Variants in CSMD1 observed in about 807,000 individuals in gnomAD.
CSMD1 encodes CUB and Sushi multiple domains 1, also known as CUB and sushi domain-containing protein 1.
In CSMD1, 213 loss-of-function variants were observed where a neutral mutation model predicts 417.5. The observed-to-expected ratio is 0.51, with a 90% CI of 0.46 to 0.57. The LOEUF (loss-of-function observed/expected upper bound fraction) is 0.57, where lower values mean the gene tolerates loss of function less well. Among genes scored for constraint, CSMD1 ranks in the 20% least tolerant of loss-of-function variants. The probability of loss-of-function intolerance (pLI) is 0.00; values close to 1 mark genes in which losing one functional copy is unlikely to be tolerated. For missense variants in CSMD1, 6,923 were observed against 4,529.7 expected (o/e 1.53, Z -15.17); for synonymous variants, 2,862 against 1,736.8 (o/e 1.65, Z -16.11).
chr8:4,089,172 T>A (rs1273729171), intron 3 of CSMD1, among the ~76,000 whole-genome samples: 1 of 152,192 alleles, frequency 6.6e-6, no homozygotes, highest in South Asian at 2.1e-4. Flanking sequence ...CCCCACTCTT[T>A]ATGGTGACAA....
intron 5 of CSMD1, among the ~76,000 whole-genome samples, chr8:3,755,528 G>C (rs1249674946): frequency 6.6e-6 from 1 of 152,142 alleles, no homozygotes; most frequent in Admixed American, 6.5e-5. Flanking sequence ...TGCTGCGTGT[G>C]GGCCTGCCTG....
intron 6 of CSMD1, among the ~76,000 whole-genome samples, chr8:3,733,337 C>T (rs1326852983): frequency 1.4e-5 from 2 of 146,122 alleles, no homozygotes; most frequent in Non-Finnish European, 3.0e-5. Flanking sequence ...TATATATACA[C>T]AGACATATAT....
intron 1 of CSMD1, among the ~76,000 whole-genome samples, chr8:4,682,739 C>T (rs1439633375): frequency 6.6e-6 from 1 of 151,404 alleles, no homozygotes; most frequent in Non-Finnish European, 1.5e-5. Context: ...TATTACGTTG[C>T]TGTCTTAGCT....
intron 12 of CSMD1, among the ~76,000 whole-genome samples, chr8:3,456,277 G>A (rs1184494378): frequency 6.8e-6 from 1 of 146,364 alleles, no homozygotes; most frequent in Non-Finnish European, 1.5e-5. Flanking sequence ...GCGATGCCTT[G>A]CCCTGCTTCA....
At chr8:4,530,721 A>G (rs947624203) in intron 2 of CSMD1, among the ~76,000 whole-genome samples, 5 of 148,656 alleles carry the variant, frequency 3.4e-5, no homozygotes, top group African/African-American at 1.2e-4. Flanking sequence ...TATATGTGCC[A>G]CATTTTCTTT....
chr8:4,565,673 T>C (rs1000553173), intron 2 of CSMD1, among the ~76,000 whole-genome samples: 3 of 150,240 alleles, frequency 2.0e-5, no homozygotes, highest in Non-Finnish European at 1.5e-5. Context: ...AGGCAGAGGT[T>C]GCAGTGAGCT....
chr8:4,469,331 G>A (rs1451274113), intron 2 of CSMD1, among the ~76,000 whole-genome samples: 1 of 152,156 alleles, frequency 6.6e-6, no homozygotes, highest in African/African-American at 2.4e-5. Context: ...TCGGCTTTCT[G>A]AAAAGTCTTG....
chr8:3,354,976 T>C (rs981054373), intron 21 of CSMD1, among the ~76,000 whole-genome samples: 1 of 140,680 alleles, frequency 7.1e-6, no homozygotes, highest in Non-Finnish European at 1.5e-5. Flanking sequence ...AGTGTTAAAC[T>C]AGATATAAAT....
intron 41 of CSMD1, among the ~76,000 whole-genome samples, chr8:3,119,829 G>A (rs1409061168): frequency 2.6e-5 from 4 of 152,164 alleles, no homozygotes; most frequent in Admixed American, 6.6e-5. Flanking sequence ...GCCCTGCCAT[G>A]TAATTCTGCT....
intron 26 of CSMD1, among the ~76,000 whole-genome samples, chr8:3,267,928 G>C (rs1051347741): frequency 6.6e-6 from 1 of 152,138 alleles, no homozygotes; most frequent in Admixed American, 6.5e-5. Flanking sequence ...GCAGAGGGCA[G>C]AGCCTCAGAA....
intron 3 of CSMD1, among the ~76,000 whole-genome samples, chr8:4,038,578 C>G (rs1797733667): frequency 6.6e-6 from 1 of 152,194 alleles, no homozygotes; most frequent in Non-Finnish European, 1.5e-5. Flanking sequence ...CTCTTTGTGA[C>G]TCCCAGAAGT....
intron 12 of CSMD1, among the ~76,000 whole-genome samples, chr8:3,428,873 C>T (rs1814025400): frequency 6.6e-6 from 1 of 152,252 alleles, no homozygotes; most frequent in Non-Finnish European, 1.5e-5. Context: ...AGAAAGAAAT[C>T]CTGTCATTTG....
intron 5 of CSMD1, among the ~76,000 whole-genome samples, chr8:3,809,952 C>T (rs530653366): frequency 6.6e-6 from 1 of 152,214 alleles, no homozygotes; most frequent in South Asian, 2.1e-4. Flanking sequence ...TTTACTTACT[C>T]AAGGGCCTTC....
intron 52 of CSMD1, among the ~76,000 whole-genome samples, chr8:3,000,627 A>C (rs969181802): frequency 1.3e-5 from 2 of 152,190 alleles, no homozygotes; most frequent in Non-Finnish European, 2.9e-5. Flanking sequence ...GTTCAATTTC[A>C]ATTATGAAAA....
intron 2 of CSMD1, among the ~76,000 whole-genome samples, chr8:4,497,992 G>T (rs1441730528): frequency 6.6e-6 from 1 of 152,150 alleles, no homozygotes. Context: ...CGTGTAAAAT[G>T]ACAAGTACAG....
At chr8:3,349,538 G>A (rs12541077) in intron 21 of CSMD1, among the ~76,000 whole-genome samples, 14 of 151,822 alleles carry the variant, frequency 9.2e-5, no homozygotes, top group East Asian at 1.9e-4. Flanking sequence ...TGTGGCTCTC[G>A]GGGTGCAAGT....
chr8:4,994,707 A>T lies in CSMD1; in HGVS notation c.-291T>A. 1 of 349,972 alleles carries T rather than the reference A, an allele frequency of 2.9e-6. No homozygotes were observed. The highest frequency in any genetic ancestry group is 5.5e-5 in the East Asian group (1 of 18,326). 21.7% of individuals were successfully genotyped at this position (349,972 alleles called of 1,614,324 possible). A position where few individuals can be genotyped will look rare whatever the true frequency, so the allele number is the denominator to read the frequency against. Reference sequence around the variant, plus strand: ...GGCCGAGCCGGGCAGGAAGGCACCAAGGCGGCGAGGCTGCGGGAGGGGGAG... The same window carrying T: ...GGCCGAGCCGGGCAGGAAGGCACCATGGCGGCGAGGCTGCGGGAGGGGGAG... On this transcript the variant is annotated 5_prime_UTR_variant, in exon 1 of 70. It adds an upstream start codon to the 5' untranslated region. Transcript: ENST00000635120.
At chr8:3,035,683 T>C (rs1466627522) in intron 50 of CSMD1, among the ~76,000 whole-genome samples, 1 of 152,208 alleles carries the variant, frequency 6.6e-6, no homozygotes, top group Admixed American at 6.5e-5. Flanking sequence ...AGAAAGTGTT[T>C]TGCTAATATA....
At chr8:4,589,850 A>T (rs571316102) in intron 2 of CSMD1, among the ~76,000 whole-genome samples, 2 of 152,312 alleles carry the variant, frequency 1.3e-5, no homozygotes, top group South Asian at 2.1e-4. Context: ...CAGCGTATTA[A>T]TAATTTTCAG....
Sources: allele counts gnomAD v4.1 joint callset (sites outside exome capture counted in the v4.1 genomes callset), GRCh38; gene constraint gnomAD v4.1.1; transcripts MANE v1.5; gene names NCBI Gene and HGNC (gene_info 2026-07-23, HGNC 2026-07-21).